The following MOB1A variants were observed in gnomAD, a reference collection of about 807,000 sequenced individuals.
MOB1A encodes the protein MOB1 Mps One Binder homolog A.
Under a neutral mutation model 25.1 loss-of-function variants are expected in MOB1A, and 10 were observed. The ratio of observed to expected loss-of-function variants is 0.40; its 90% CI spans 0.25 to 0.68. The LOEUF (loss-of-function observed/expected upper bound fraction) is 0.68, where lower values mean the gene tolerates loss of function less well. Among genes scored for constraint, MOB1A ranks in the 30% least tolerant of loss-of-function variants. The probability of loss-of-function intolerance (pLI) is 0.40; values close to 1 mark genes in which losing one functional copy is unlikely to be tolerated. For missense variants in MOB1A, 177 were observed against 256.3 expected, an observed-to-expected ratio of 0.69 and a Z score of 2.11; for synonymous variants, 81 against 79.5, an observed-to-expected ratio of 1.02 and a Z score of -0.10.
At chr2:74,158,898 G>A (rs562074410) in intron 5 of MOB1A, among the ~76,000 whole-genome samples, 193 bp downstream of exon 5, 94 of 152,230 alleles carry the variant, frequency 6.2e-4, no homozygotes, top group Non-Finnish European at 8.4e-4. Context: ...AGGCCCAAAT[G>A]GGGGTGATAC....
intron 1 of MOB1A, among the ~76,000 whole-genome samples, chr2:74,177,017 C>T (rs1446959207): frequency 6.6e-6 from 1 of 151,982 alleles, no homozygotes; most frequent in Non-Finnish European, 1.5e-5. Flanking sequence ...GGCCAAAAAG[C>T]GGGAACAACT....
At chr2:74,176,830 G>A (rs1448105434) in intron 1 of MOB1A, among the ~76,000 whole-genome samples, 1 of 151,816 alleles carries the variant, frequency 6.6e-6, no homozygotes, top group Non-Finnish European at 1.5e-5. Flanking sequence ...CCCTCATAGA[G>A]TACTTATGGG....
intron 4 of MOB1A, 60 bp downstream of exon 4, chr2:74,165,158 T>C (rs1693093429): frequency 7.5e-7 from 1 of 1,331,102 alleles, no homozygotes; most frequent in East Asian, 2.6e-5. Flanking sequence ...CCCAACTCTA[T>C]TTATATTAAT....
chr2:74,153,052 A>T lies in MOB1A; in HGVS notation c.*3516T>A, dbSNP rs566609502. 2 of 152,332 alleles carry T rather than the reference A, an allele frequency of 1.3e-5. No individual in the cohort carries two copies. Among genetic ancestry groups the T allele is most frequent in the Admixed American group, 1.3e-4 (2 of 15,298 alleles). 9.4% of individuals were successfully genotyped at this position (152,332 alleles called of 1,614,324 possible). Reference sequence around the variant, plus strand: ...ATTTTACCTCTTTTCAGAACTCTACAATAGTAGAAACTAAATTCCCTTATG... The same window carrying T: ...ATTTTACCTCTTTTCAGAACTCTACTATAGTAGAAACTAAATTCCCTTATG... On this transcript the variant is annotated 3_prime_UTR_variant, in exon 6 of 6. Coordinates refer to ENST00000396049, the MANE Select transcript of MOB1A (RefSeq NM_018221.5).
chr2:74,166,208 T>C (rs1181048388), intron 3 of MOB1A, among the ~76,000 whole-genome samples: 1 of 150,774 alleles, frequency 6.6e-6, no homozygotes, highest in Non-Finnish European at 1.5e-5. Flanking sequence ...TTTCAGTATT[T>C]CTTGAAATTT....
In MOB1A at chr2:74,166,988, A is replaced by G. The variant is rs778854732; in HGVS notation, c.275+26T>C. ...GTGATAAAGTAAAACTAATCCAAAC[A>G]CCTATATAATAGGCAGTATATGTAC... On this transcript the variant is annotated intron_variant, in intron 3 of 5. Coordinates refer to ENST00000396049, the MANE Select transcript of MOB1A (RefSeq NM_018221.5). The G allele has an allele frequency of 4.5e-5, 67 of 1,501,092 alleles. No individual in the cohort carries two copies. In the Middle Eastern group the frequency reaches 5.1e-4, roughly 12 times the overall value. 93.0% of individuals were successfully genotyped at this position (1,501,092 alleles called of 1,614,324 possible). A position where few individuals can be genotyped will look rare whatever the true frequency, so the allele number is the denominator to read the frequency against.
At chr2:74,158,982 C>T in intron 5 of MOB1A, 109 bp downstream of exon 5, 1 of 1,008,870 alleles carries the variant, frequency 9.9e-7, no homozygotes, top group Non-Finnish European at 1.5e-6. Context: ...GAGAAGCTTG[C>T]CTGTAATTGG....
chr2:74,172,962 C>T, intron 1 of MOB1A: 1 of 561,678 alleles, frequency 1.8e-6, no homozygotes, highest in Non-Finnish European at 3.2e-6. Flanking sequence ...ATGGTGAAAC[C>T]ACACGTCTAC....
chr2:74,161,856 C>CT (rs1483373146), intron 4 of MOB1A, among the ~76,000 whole-genome samples: 1 of 151,464 alleles, frequency 6.6e-6, no homozygotes, highest in Non-Finnish European at 1.5e-5. Flanking sequence ...ACTCAAGTGG[C>CT]TGATGTAGAA....
Position 74,167,123 on chromosome 2 carries a change from A to G in MOB1A, c.182-16T>C, listed in dbSNP as rs372711788. On this transcript the variant is annotated splice_polypyrimidine_tract_variant and intron_variant, in intron 2 of 5. Transcript: ENST00000396049. The stretch of plus-strand genomic sequence containing the variant: ...AAATCCACAGCTGCAGAGATAATAG[A>G]ATTGTGTCAAAATGTCTGTGTAAAC... 3 of 1,600,150 alleles carry G rather than the reference A, an allele frequency of 1.9e-6. No individual in the cohort carries two copies. The highest frequency in any genetic ancestry group is 1.1e-5 in the South Asian group (1 of 89,796).
At chr2:74,168,682 T>G (rs559841510) in intron 2 of MOB1A, among the ~76,000 whole-genome samples, 2 of 152,306 alleles carry the variant, frequency 1.3e-5, no homozygotes, top group South Asian at 4.1e-4. Context: ...AAGAAGTACC[T>G]AAAAACAACT....
chr2:74,175,974 AG>A (rs1386439804), intron 1 of MOB1A, among the ~76,000 whole-genome samples: 26 of 151,968 alleles, frequency 1.7e-4, no homozygotes, highest in Admixed American at 7.2e-4. Context: ...AGCCGGGTGC[AG>A]TGGCTCACAC....
Position 74,172,765 on chromosome 2 carries a change from A to C in MOB1A, c.15-13T>G, listed in dbSNP as rs764037074. 6 of 1,608,310 alleles carry C rather than the reference A, an allele frequency of 3.7e-6. No individual in the cohort carries two copies. In the South Asian group the frequency reaches 6.6e-5, roughly 18 times the overall value. On this transcript the variant is annotated splice_polypyrimidine_tract_variant and intron_variant, in intron 1 of 5. Coordinates refer to ENST00000396049, the MANE Select transcript of MOB1A (RefSeq NM_018221.5). ...AGAGCGGCTGCTGCTGTAAGATTAA[A>C]AGTGCAAGTATATGAATTTTTAAGA...
chr2:74,158,950 G>A, intron 5 of MOB1A, 141 bp downstream of exon 5: 2 of 873,620 alleles, frequency 2.3e-6, no homozygotes, highest in South Asian at 1.7e-5. Context: ...AAATAATGTG[G>A]AAAAGAGAAC....
At chr2:74,169,265 G>T (rs2103726833) in intron 2 of MOB1A, among the ~76,000 whole-genome samples, 1 of 152,296 alleles carries the variant, frequency 6.6e-6, no homozygotes, top group Admixed American at 6.5e-5. Context: ...ACTTTGGGAG[G>T]ATGAGGCAGG....
intron 2 of MOB1A, among the ~76,000 whole-genome samples, chr2:74,171,902 C>CA (rs1372649568): frequency 2.0e-5 from 3 of 150,924 alleles, no homozygotes; most frequent in Admixed American, 1.3e-4. Flanking sequence ...GACTCCATCT[C>CA]AAAAATAAAT....
intron 1 of MOB1A, among the ~76,000 whole-genome samples, chr2:74,177,803 G>T (rs890114674): frequency 2.6e-5 from 4 of 152,128 alleles, no homozygotes; most frequent in African/African-American, 9.7e-5. Context: ...GGTAGAGAGA[G>T]ACACCTGAGA....
intron 1 of MOB1A, among the ~76,000 whole-genome samples, chr2:74,176,086 AC>A (rs1558840597): frequency 3.2e-3 from 223 of 69,706 alleles, no homozygotes; most frequent in Middle Eastern, 9.4e-3. Flanking sequence ...CCTCTACTAC[AC>A]ACACACACAC....
chr2:74,157,324 GGA>G (rs1371885753), intron 5 of MOB1A, among the ~76,000 whole-genome samples: 2 of 152,012 alleles, frequency 1.3e-5, no homozygotes, highest in Non-Finnish European at 1.5e-5. Context: ...TGGCATGCCT[GGA>G]GAGAGCATGG....
Sources: gnomAD v4.1 joint callset for allele counts (sites outside exome capture counted in the v4.1 genomes callset) on GRCh38, gnomAD v4.1.1 for gene constraint, MANE v1.5 for transcripts, NCBI Gene and HGNC (gene_info 2026-07-23, HGNC 2026-07-21) for gene names.